The following ZNF397 variants were observed in gnomAD, a reference collection of about 807,000 sequenced individuals.
ZNF397 encodes zinc finger protein 397, also known as zinc finger and SCAN domain-containing protein 15.
A neutral mutation model predicts 50.6 loss-of-function variants in ZNF397; 38 were observed. The observed-to-expected ratio is 0.75, with a 90% confidence interval of 0.58 to 0.98. The LOEUF is 0.98. Ranked by LOEUF, ZNF397 falls within the 50% of genes least tolerant of loss-of-function variation. The pLI is 0.00. For missense variants in ZNF397, 624 were observed against 624.1 expected (o/e 1.00, Z 0.00); for synonymous variants, 228 against 215.2 (o/e 1.06, Z -0.52).
In ZNF397 at chr18:35,246,434, C is replaced by G. The variant is rs2043483729; in HGVS notation, c.*124C>G. On this transcript the variant is annotated 3_prime_UTR_variant, in exon 4 of 4. Coordinates refer to ENST00000330501, the MANE Select transcript of ZNF397 (RefSeq NM_001135178.3). ...AATACTAGGTCTTGAGTCTAGCTTGCTTTGTGCAGCATTTCCCAGTGCTAA... is the reference window on the plus strand; with the variant it reads ...AATACTAGGTCTTGAGTCTAGCTTGGTTTGTGCAGCATTTCCCAGTGCTAA... 6.9e-7 allele frequency: 1 copy of G among 1,447,522 alleles called. No homozygotes were observed. Among genetic ancestry groups the G allele is most frequent in the Admixed American group, 3.0e-5 (1 of 33,832 alleles). The allele number at this position is 1,447,522 out of a possible 1,614,324, so 89.7% of individuals were successfully genotyped here.
chr18:35,242,505 T>TA lies in ZNF397; in HGVS notation c.36dup (p.Pro13ThrfsTer17). On this transcript the variant is annotated frameshift_variant, in exon 2 of 4. Coordinates refer to ENST00000330501, the MANE Select transcript of ZNF397 (RefSeq NM_001135178.3). LOFTEE classifies it high-confidence loss of function. The stretch of plus-strand genomic sequence containing the variant: ...GAATCTGGAGTGATTTCAACCCTGA[T>TA]ACCTCAGGATCCTCCGGAACAAGAA... 1 of 1,614,032 alleles carries TA rather than the reference T, an allele frequency of 6.2e-7. No homozygotes were observed. The highest frequency in any genetic ancestry group is 8.5e-7 in the Non-Finnish European group (1 of 1,179,938).
In ZNF397 at chr18:35,243,224, A is replaced by G. The variant is rs1235087926; in HGVS notation, c.487A>G (p.Thr163Ala). The G allele has an allele frequency of 6.2e-7, 1 of 1,614,266 alleles. No homozygotes were observed. The highest frequency in any genetic ancestry group is 1.7e-5 in the Admixed American group (1 of 60,032). Residue 163 changes from threonine to alanine, a missense_variant, in exon 3 of 4, where the codon ACA becomes GCA. Thr to Ala is a moderately conservative substitution (Grantham distance 58). Coordinates refer to ENST00000330501, the MANE Select transcript of ZNF397 (RefSeq NM_001135178.3). Reference protein sequence around the residue: ...LTCLRASQESTDIHLQPLKTQ... With the variant: ...LTCLRASQESADIHLQPLKTQ... ...ATGTCTCAGAGCATCCCAAGAGTCA[A>G]CAGACATCCACCTCCAGCCCTTAAA...
chr18:35,244,382 A>G (rs1341781947), intron 3 of ZNF397, among the ~76,000 whole-genome samples: 2 of 152,206 alleles, frequency 1.3e-5, no homozygotes, highest in Non-Finnish European at 2.9e-5. Context: ...TCAAAAGTAA[A>G]ATGCCCAATT....
At chr18:35,253,268 T>G, downstream of ZNF397, 1 of 479,076 alleles carries the variant, frequency 2.1e-6, no homozygotes, top group Non-Finnish European at 3.6e-6. Flanking sequence ...TGGGTAACAT[T>G]TTTCTTCCAT....
Position 35,249,042 on chromosome 18 carries a change from A to G in ZNF397, c.*2732A>G, listed in dbSNP as rs918214042. The G allele has an allele frequency of 1.3e-5, 2 of 152,160 alleles. No homozygotes were observed. The highest frequency in any genetic ancestry group is 2.9e-5 in the Non-Finnish European group (2 of 68,038). 9.4% of individuals were successfully genotyped at this position (152,160 alleles called of 1,614,324 possible). ...TCAGTATACTCTCTCCCCATAAGAA[A>G]GTTCCAATAGAAAAAAAATGCTACT... On this transcript the variant is annotated 3_prime_UTR_variant, in exon 4 of 4. Coordinates refer to ENST00000330501, the MANE Select transcript of ZNF397 (RefSeq NM_001135178.3).
At chr18:35,254,305 TATC>T, downstream of ZNF397, 1 of 1,614,158 alleles carries the variant, frequency 6.2e-7, no homozygotes, top group South Asian at 1.1e-5. Context: ...TTCCCGGCGA[TATC>T]ATAGCTGCTG....
chr18:35,250,463 G>C (rs1219567548), downstream of ZNF397, among the ~76,000 whole-genome samples: 1 of 152,070 alleles, frequency 6.6e-6, no homozygotes, highest in East Asian at 1.9e-4. Flanking sequence ...AGCAGTCCAG[G>C]GAATAATAAT....
chr18:35,243,121 C>T (rs749214130), intron 2 of ZNF397, 31 bp from the exon 3 acceptor site: 1 of 1,611,924 alleles, frequency 6.2e-7, no homozygotes, highest in Middle Eastern at 1.7e-4. Flanking sequence ...GGGATTTTCT[C>T]ACAAAGCTAA....
Position 35,247,576 on chromosome 18 carries a change from TG to T in ZNF397, c.*1267del, listed in dbSNP as rs1406060685. 6.6e-6 allele frequency: 1 copy of T among 152,182 alleles called. No homozygotes were observed. Among genetic ancestry groups the T allele is most frequent in the Non-Finnish European group, 1.5e-5 (1 of 68,036 alleles). The allele number at this position is 152,182 out of a possible 1,614,324, so 9.4% of individuals were successfully genotyped here. A position where few individuals can be genotyped will look rare whatever the true frequency, so the allele number is the denominator to read the frequency against. ...TGGGCTTTGGTGCTCAAAAAATATT[TG>T]TCAGTTGCTGGGTCTGTGACATTCT... is the stretch of plus-strand genomic sequence containing the variant. On this transcript the variant is annotated 3_prime_UTR_variant, in exon 4 of 4. Transcript: ENST00000330501.
In ZNF397 at chr18:35,247,325, G is replaced by A. The variant is rs899663276; in HGVS notation, c.*1015G>A. Reference sequence around the variant, plus strand: ...ATGTGGTTTCCTTGCCCAACCTGTAGGCTATCCTAGAACTTCCATGAGGGT... The same window carrying A: ...ATGTGGTTTCCTTGCCCAACCTGTAAGCTATCCTAGAACTTCCATGAGGGT... On this transcript the variant is annotated 3_prime_UTR_variant, in exon 4 of 4. Coordinates refer to ENST00000330501, the MANE Select transcript of ZNF397 (RefSeq NM_001135178.3). 1 of 233,194 alleles carries A rather than the reference G, an allele frequency of 4.3e-6. No homozygotes were observed. Among genetic ancestry groups the A allele is most frequent in the Non-Finnish European group, 7.0e-6 (1 of 142,146 alleles). The allele number at this position is 233,194 out of a possible 1,614,324, so 14.4% of individuals were successfully genotyped here.
chr18:35,257,949 G>A (rs753493012), exon 6 of ZNF397: 12 of 780,840 alleles, frequency 1.5e-5, no homozygotes, highest in Admixed American at 5.1e-5. Flanking sequence ...AGAACACATC[G>A]TCAATAAATC....
chr18:35,246,216 C>T lies in ZNF397; in HGVS notation c.1511C>T (p.Ser504Phe). The change falls in exon 4 of 4, where the codon TCT (serine) becomes TTT (phenylalanine). Residue 504 changes from serine to phenylalanine, a missense_variant. Transcript: ENST00000330501. The stretch of plus-strand genomic sequence containing the variant: ...CTTGTTCAGCATCAGAGAATTCATT[C>T]TGGGGATGAAGCTTATATATGTAAT... The part of the protein sequence containing the change: ...SALVQHQRIH[S>F]GDEAYICNEC... 1 of 1,552,116 alleles carries T rather than the reference C, an allele frequency of 6.4e-7. No individual in the cohort carries two copies. Among genetic ancestry groups the T allele is most frequent in the Non-Finnish European group, 8.7e-7 (1 of 1,147,086 alleles).
At chr18:35,253,327 A>C (rs559718297), downstream of ZNF397, 4 of 692,572 alleles carry the variant, frequency 5.8e-6, no homozygotes, top group South Asian at 9.7e-5. Flanking sequence ...ATGTCTTCTT[A>C]TAGTACCGAA....
downstream of ZNF397, chr18:35,253,042 C>A (rs1670228869): frequency 6.1e-6 from 1 of 163,288 alleles, no homozygotes; most frequent in Non-Finnish European, 1.3e-5. Flanking sequence ...CATGCCTCCA[C>A]CTGACAAAAT....
chr18:35,245,731 A>ATG lies in ZNF397; in HGVS notation c.1028_1029dup (p.Ser344ValfsTer98). On this transcript the variant is annotated frameshift_variant, in exon 4 of 4. Transcript: ENST00000330501. LOFTEE classifies it high-confidence loss of function. ...TTCATAGTGGTGAGAAAGCATATGA[A>ATG]TGTAGTGAATGTGGGAAAGCTTTCA... The ATG allele has an allele frequency of 6.4e-7, 1 of 1,552,158 alleles. No individual in the cohort carries two copies. The highest frequency in any genetic ancestry group is 1.4e-5 in the African/African-American group (1 of 73,182).
At chr18:35,254,517 AG>A, downstream of ZNF397, 7 of 1,520,338 alleles carry the variant, frequency 4.6e-6, no homozygotes, top group Non-Finnish European at 6.2e-6. Context: ...TTCCCAATCT[AG>A]AATTCAGAGA....
At chr18:35,258,142 G>C (rs1048409484) in exon 6 of ZNF397, 1 of 623,264 alleles carries the variant, frequency 1.6e-6, no homozygotes, top group Non-Finnish European at 2.9e-6. Context: ...GCTGTGAAAG[G>C]ATCCACATTA....
chr18:35,256,259 T>C (rs2043810136), intron 5 of ZNF397: 1 of 152,086 alleles, frequency 6.6e-6, no homozygotes, highest in African/African-American at 2.4e-5. Context: ...AAAAGACAAA[T>C]AGAGATTACA....
At position 35,245,636 on chromosome 18, in the gene ZNF397, A is replaced by G; in HGVS notation, c.931A>G (p.Lys311Glu). 1 of 1,554,514 alleles carries G rather than the reference A, an allele frequency of 6.4e-7. No individual in the cohort carries two copies. The highest frequency in any genetic ancestry group is 8.7e-7 in the Non-Finnish European group (1 of 1,148,520). Residue 311 changes from lysine (K) to glutamate (E), a missense_variant, in exon 4 of 4, where the codon AAG becomes GAG. Physicochemically the swap from Lys to Glu is moderately conservative, Grantham distance 56 (BLOSUM62 1). Transcript: ENST00000330501. ...TQHQRIHTGEKPYKCNQCGKA... is the reference protein window; with the variant it reads ...TQHQRIHTGEEPYKCNQCGKA... ...ACATCAGAGAATCCATACTGGAGAA[A>G]AGCCCTATAAATGTAACCAGTGTGG...
Sources: gnomAD v4.1 joint callset for allele counts (sites outside exome capture counted in the v4.1 genomes callset) on GRCh38, gnomAD v4.1.1 for gene constraint, MANE v1.5 for transcripts, NCBI Gene and HGNC (gene_info 2026-07-23, HGNC 2026-07-21) for gene names.